ZNF780A: variants seen among roughly 807,000 people sequenced by gnomAD.
The protein encoded by ZNF780A is zinc finger protein 780A.
ZNF780A carries 40 observed loss-of-function variants against 56.7 expected under a neutral mutation model. The ratio of observed to expected loss-of-function variants is 0.71; its 90% confidence interval spans 0.55 to 0.92. The LOEUF is 0.92. Ranked by LOEUF, ZNF780A falls within the 40% of genes least tolerant of loss-of-function variation. The probability of loss-of-function intolerance (pLI) is 0.00; values close to 1 mark genes in which losing one functional copy is unlikely to be tolerated. For synonymous variants in ZNF780A, 231 were observed against 248.3 expected (o/e 0.93, Z 0.66); for missense variants, 672 against 783.3 (o/e 0.86, Z 1.70).
intron 5 of ZNF780A, among the ~76,000 whole-genome samples, chr19:40,077,155 C>A (rs548760462): frequency 6.6e-6 from 1 of 152,166 alleles, no homozygotes; most frequent in African/African-American, 2.4e-5. Flanking sequence ...AAAACAGGCA[C>A]ATCTGGACTG....
chr19:40,088,842 G>A (rs1027559760), intron 2 of ZNF780A, among the ~76,000 whole-genome samples: 10 of 152,150 alleles, frequency 6.6e-5, no homozygotes, highest in Non-Finnish European at 1.2e-4. Context: ...TAAAAAGCAG[G>A]AAATTCTGTC....
intron 4 of ZNF780A, 35 bp from the exon 5 acceptor site, chr19:40,081,949 T>A: frequency 2.0e-6 from 3 of 1,519,976 alleles, no homozygotes; most frequent in Non-Finnish European, 1.8e-6. Context: ...AGAATTTTTT[T>A]AATACAGATT....
chr19:40,084,931 C>A, intron 2 of ZNF780A, 133 bp from the exon 3 acceptor site: 1 of 1,168,526 alleles, frequency 8.6e-7, no homozygotes, highest in South Asian at 1.5e-5. Flanking sequence ...CCATCACTCC[C>A]CTTGCCCCCA....
chr19:40,072,148 C>T (rs987785204), downstream of ZNF780A: 21 of 239,854 alleles, frequency 8.8e-5, no homozygotes, highest in African/African-American at 2.5e-4. Context: ...TAAAATCTAC[C>T]GCGGACCCCT....
At chr19:40,085,939 CA>C (rs1974767234) in intron 2 of ZNF780A, among the ~76,000 whole-genome samples, 1 of 151,218 alleles carries the variant, frequency 6.6e-6, no homozygotes, top group Non-Finnish European at 1.5e-5. Flanking sequence ...TATTCACACA[CA>C]CACACACGTG....
Position 40,084,810 on chromosome 19 carries a change from C to T in ZNF780A, c.-45-12G>A. 1.3e-6 allele frequency: 2 copies of T among 1,551,172 alleles called. 1 individual carries two copies. The highest frequency in any genetic ancestry group is 2.4e-5 in the South Asian group (2 of 84,074). On this transcript the variant is annotated splice_polypyrimidine_tract_variant and intron_variant, in intron 2 of 5. Transcript: ENST00000683561. ...CTCGGGCTTCTCCCCTGGAAAACAACAACAACAAAAAGGCCACAATTAAAG... is the reference window on the plus strand; with the variant it reads ...CTCGGGCTTCTCCCCTGGAAAACAATAACAACAAAAAGGCCACAATTAAAG...
rs1568453430 is a variant in ZNF780A at position 40,081,831 on chromosome 19, TG to T, written c.219del (p.Ser73ArgfsTer9). 1 of 1,612,650 alleles carries T rather than the reference TG, an allele frequency of 6.2e-7. No homozygotes were observed. Among genetic ancestry groups the T allele is most frequent in the Admixed American group, 1.7e-5 (1 of 59,990 alleles). On this transcript the variant is annotated frameshift_variant, in exon 5 of 6. Transcript: ENST00000683561. LOFTEE classifies it high-confidence loss of function. ...TACCCTCACTTACCTGGATACCGTC[TG>T]CTTGTTTCTTTCCTTACAACCATCC... ...EPWMVVRKETSRRYPDLELKY... is the reference protein window; with the variant it reads ...EPWMVVRKETXRRYPDLELKY...
intron 5 of ZNF780A, among the ~76,000 whole-genome samples, chr19:40,078,565 C>T (rs1258473464): frequency 6.6e-6 from 1 of 152,066 alleles, no homozygotes; most frequent in Non-Finnish European, 1.5e-5. Context: ...TAGTCACTTA[C>T]AAGGGAACTC....
chr19:40,074,848 T>C lies in ZNF780A; in HGVS notation c.1594A>G (p.Lys532Glu), dbSNP rs957012459. 6.8e-6 allele frequency: 11 copies of C among 1,614,094 alleles called. No homozygotes were observed. In the African/African-American group the frequency reaches 1.3e-4, roughly 20 times the overall value. ...THTGEKPFEC[K>E]ECGKFFRRGS... The stretch of plus-strand genomic sequence containing the variant: ...CGACGAAAGAATTTCCCACATTCCT[T>C]ACATTCAAATGGTTTTTCACCTGTG... Residue 532 changes from lysine (K) to glutamate (E), a missense_variant, in exon 6 of 6, where the codon AAG becomes GAG. By Grantham distance (56) the Lys-to-Glu change is moderately conservative. Coordinates refer to ENST00000683561, the MANE Select transcript of ZNF780A (RefSeq NM_001142578.2).
chr19:40,075,975 G>C lies in ZNF780A; in HGVS notation c.467C>G (p.Ser156Cys). The C allele has an allele frequency of 6.2e-7, 1 of 1,612,986 alleles. No homozygotes were observed. The highest frequency in any genetic ancestry group is 1.3e-5 in the African/African-American group (1 of 74,968). The change falls in exon 6 of 6, where the codon TCT becomes TGT. Residue 156 changes from serine to cysteine, a missense_variant. Ser to Cys is a moderately radical substitution (Grantham distance 112). Coordinates refer to ENST00000683561, the MANE Select transcript of ZNF780A (RefSeq NM_001142578.2). ...EKLPTHTPHA[S>C]LICNTHKPYE... ...CGGTTTATGTGTATTGCAAATAAGA[G>C]AAGCATGAGGAGTATGAGTAGGCAG...
intron 2 of ZNF780A, among the ~76,000 whole-genome samples, chr19:40,089,014 G>A (rs1039613673): frequency 6.6e-6 from 1 of 152,152 alleles, no homozygotes; most frequent in African/African-American, 2.4e-5. Context: ...TGTGGGTGAG[G>A]GAGGAAGGAG....
chr19:40,075,093 C>T lies in ZNF780A; in HGVS notation c.1349G>A (p.Cys450Tyr). Reference protein sequence around the residue: ...SNEKPFVCRECEMAFRYHCQL... With the variant: ...SNEKPFVCREYEMAFRYHCQL... ...GCAATGATATCTAAAGGCCATCTCA[C>T]ATTCCCTACATACAAAAGGTTTCTC... is the stretch of plus-strand genomic sequence containing the variant. The change falls in exon 6 of 6, where the codon TGT (cysteine) becomes TAT (tyrosine). Residue 450 changes from cysteine to tyrosine, a missense_variant. Coordinates refer to ENST00000683561, the MANE Select transcript of ZNF780A (RefSeq NM_001142578.2). 6.2e-7 allele frequency: 1 copy of T among 1,614,192 alleles called. No individual in the cohort carries two copies. Among genetic ancestry groups the T allele is most frequent in the Non-Finnish European group, 8.5e-7 (1 of 1,180,038 alleles).
intron 2 of ZNF780A, among the ~76,000 whole-genome samples, chr19:40,087,774 A>C (rs1367398556): frequency 6.6e-6 from 1 of 152,236 alleles, no homozygotes; most frequent in Non-Finnish European, 1.5e-5. Flanking sequence ...ACAAAGCTAT[A>C]GTAACCAAAA....
chr19:40,070,118 T>A (rs906164144), downstream of ZNF780A: 1 of 152,136 alleles, frequency 6.6e-6, no homozygotes, highest in African/African-American at 2.4e-5. Context: ...TCGATCCTCT[T>A]CTCCTAGGAG....
intron 5 of ZNF780A, 62 bp from the exon 6 acceptor site, chr19:40,076,271 C>A: frequency 1.4e-6 from 2 of 1,451,296 alleles, no homozygotes; most frequent in Middle Eastern, 1.9e-4. Context: ...CATACAAAGT[C>A]CTTTTGTCAA....
chr19:40,081,942 A>AT, intron 4 of ZNF780A, 28 bp from the exon 5 acceptor site: 3 of 1,542,482 alleles, frequency 1.9e-6, no homozygotes, highest in East Asian at 2.3e-5. Context: ...CACATGTAGA[A>AT]TTTTTTTAAT....
chr19:40,083,033 T>C (rs1974570338), intron 4 of ZNF780A, 78 bp downstream of exon 4: 2 of 1,608,686 alleles, frequency 1.2e-6, no homozygotes, highest in South Asian at 1.1e-5. Context: ...TCTTAAAAGA[T>C]AGCCCTGAAA....
chr19:40,082,047 A>G, intron 4 of ZNF780A, 133 bp from the exon 5 acceptor site: 1 of 554,914 alleles, frequency 1.8e-6, no homozygotes, highest in Non-Finnish European at 3.1e-6. Flanking sequence ...GATAAGAGTG[A>G]GAGGTTGAGT....
rs201275209 is a variant in ZNF780A, at chr19:40,078,055, GA to G, written c.233-1847del. Among the ~76,000 whole-genome samples, 18 of 143,078 alleles carry G rather than the reference GA, an allele frequency of 1.3e-4. No individual in the cohort carries two copies. The East Asian group carries it at 2.0e-3, about 16-fold the overall frequency. The allele number at this position is 143,078 out of a possible 152,430, so 93.9% of individuals were successfully genotyped here. The stretch of plus-strand genomic sequence containing the variant: ...TCGGAAGAACAATACAAACAAATCA[GA>G]AAAAAAAAACTCAGGATAAGAAGAA... On this transcript the variant is annotated intron_variant, in intron 5 of 5. Coordinates refer to ENST00000683561, the MANE Select transcript of ZNF780A (RefSeq NM_001142578.2).
Sources: allele counts gnomAD v4.1 joint callset (sites outside exome capture counted in the v4.1 genomes callset), GRCh38; gene constraint gnomAD v4.1.1; transcripts MANE v1.5; gene names NCBI Gene and HGNC (gene_info 2026-07-23, HGNC 2026-07-21).